Variants in ELL2 observed in about 807,000 individuals in gnomAD.
ELL2 encodes the protein elongation factor for RNA polymerase II 2.
Under a neutral mutation model 72.8 loss-of-function variants are expected in ELL2, and 21 were observed. The observed-to-expected ratio is 0.29, with a 90% CI of 0.20 to 0.42. The LOEUF is 0.42. ELL2 is among the 10% of genes least tolerant of loss of function. The pLI, the probability that ELL2 is intolerant of heterozygous loss-of-function variation, is 1.00. For missense variants in ELL2, 568 were observed against 772.8 expected (o/e 0.73, Z 3.14); for synonymous variants, 266 against 283.2 (o/e 0.94, Z 0.61).
At chr5:95,940,839 G>A (rs1239837008) in intron 2 of ELL2, among the ~76,000 whole-genome samples, 2 of 152,084 alleles carry the variant, frequency 1.3e-5, no homozygotes, top group African/African-American at 4.8e-5. Flanking sequence ...AAACAGAGGA[G>A]CAGTGTACAG....
intron 1 of ELL2, among the ~76,000 whole-genome samples, chr5:95,948,594 A>T (rs1751265236): frequency 1.3e-5 from 2 of 152,078 alleles, no homozygotes; most frequent in African/African-American, 2.4e-5. Flanking sequence ...TTTTATCCAA[A>T]TTTTTTTAGC....
intron 5 of ELL2, among the ~76,000 whole-genome samples, chr5:95,903,570 T>C (rs1749230000): frequency 6.6e-6 from 1 of 152,132 alleles, no homozygotes; most frequent in Non-Finnish European, 1.5e-5. Flanking sequence ...CAATCCTCTA[T>C]ATGTTGAAAT....
chr5:95,947,589 G>A (rs1004618583), intron 1 of ELL2, among the ~76,000 whole-genome samples: 14 of 152,184 alleles, frequency 9.2e-5, no homozygotes, highest in South Asian at 4.1e-4. Flanking sequence ...AATAAATAAT[G>A]AGTCTCTAAG....
In ELL2 at chr5:95,886,710, T is replaced by C. The variant is rs573506851; in HGVS notation, c.*2161A>G. 3 of 151,136 alleles carry C rather than the reference T, an allele frequency of 2.0e-5. No individual in the cohort carries two copies. The highest frequency in any genetic ancestry group is 3.9e-4 in the East Asian group (2 of 5,186). 9.4% of individuals were successfully genotyped at this position (151,136 alleles called of 1,614,324 possible). On this transcript the variant is annotated 3_prime_UTR_variant, in exon 12 of 12. Coordinates refer to ENST00000237853, the MANE Select transcript of ELL2 (RefSeq NM_012081.6). ...ACCTTCAGTTCAAGATTTCAAGATT[T>C]ACAGACCTAAAAGTTTAGAACTACA...
At position 95,895,669 on chromosome 5, in the gene ELL2, G is replaced by A. The variant is rs770432142; in HGVS notation, c.1548C>T (p.Ala516=). 6.2e-7 allele frequency: 1 copy of A among 1,614,068 alleles called. No individual in the cohort carries two copies. Among genetic ancestry groups the A allele is most frequent in the South Asian group, 1.1e-5 (1 of 91,080 alleles). ...SSGGVKEDCT[A]SMEPSAIELP... ...GTTCAATTGCTGAAGGTTCCATGGA[G>A]GCAGTGCAATCCTCTTTAACTCCTA... Residue 516 remains alanine (A), a synonymous_variant, in exon 9 of 12, where the codon GCC becomes GCT. Coordinates refer to ENST00000237853, the MANE Select transcript of ELL2 (RefSeq NM_012081.6).
At chr5:95,908,870 C>A (rs772141665) in intron 4 of ELL2, among the ~76,000 whole-genome samples, 3 of 152,156 alleles carry the variant, frequency 2.0e-5, no homozygotes, top group Non-Finnish European at 2.9e-5. Context: ...AACAGTGAAG[C>A]CCTTCTTTCT....
intron 9 of ELL2, among the ~76,000 whole-genome samples, chr5:95,894,644 G>T (rs905486535): frequency 6.6e-6 from 1 of 152,268 alleles, no homozygotes; most frequent in East Asian, 1.9e-4. Flanking sequence ...ACTCAGCAAG[G>T]TTTCTCAAGT....
chr5:95,937,584 C>T (rs1750824568), intron 2 of ELL2, among the ~76,000 whole-genome samples: 2 of 151,382 alleles, frequency 1.3e-5, no homozygotes, highest in African/African-American at 4.9e-5. Context: ...AGGTAATTTA[C>T]TATTTTATTA....
chr5:95,898,674 G>C lies in ELL2; in HGVS notation c.1091C>G (p.Pro364Arg), dbSNP rs918359707. Residue 364 changes from proline (P) to arginine (R), a missense_variant, in exon 8 of 12, where the codon CCG becomes CGG. Pro to Arg is a moderately radical substitution (Grantham distance 103). Transcript: ENST00000237853. The stretch of plus-strand genomic sequence containing the variant: ...GATGGCAGCAGCCGCAGGGGGCAGC[G>C]GGAGGCCTGCAGCAGATTTTTCACT... ...PTSEKSAAGL[P>R]LPPAAAAIPT... 6.2e-7 allele frequency: 1 copy of C among 1,612,892 alleles called. No homozygotes were observed. The highest frequency in any genetic ancestry group is 1.7e-5 in the Admixed American group (1 of 59,920).
intron 5 of ELL2, among the ~76,000 whole-genome samples, chr5:95,906,093 T>A (rs963902216): frequency 6.6e-6 from 1 of 152,186 alleles, no homozygotes; most frequent in African/African-American, 2.4e-5. Flanking sequence ...GCACAAAGTA[T>A]GTGGGGCAAG....
intron 4 of ELL2, among the ~76,000 whole-genome samples, chr5:95,907,296 A>ATATATATATATATATATATATTTTTTTT: frequency 1.7e-5 from 2 of 116,484 alleles, no homozygotes; most frequent in African/African-American, 8.2e-5. Flanking sequence ...ATATATATAT[A>ATATATATATATATATATATATTTTTTTT]TTTTTTTTTT....
At chr5:95,947,343 A>C (rs1007899542) in intron 1 of ELL2, among the ~76,000 whole-genome samples, 4 of 152,216 alleles carry the variant, frequency 2.6e-5, no homozygotes, top group Non-Finnish European at 5.9e-5. Flanking sequence ...ACAATTTAGA[A>C]ACTTGAAATT....
intron 2 of ELL2, among the ~76,000 whole-genome samples, chr5:95,938,732 T>C (rs911179747): frequency 6.6e-6 from 1 of 152,152 alleles, no homozygotes; most frequent in African/African-American, 2.4e-5. Flanking sequence ...ATAATTATTA[T>C]TTTATTATTT....
chr5:95,926,694 T>C (rs773712616), intron 2 of ELL2, among the ~76,000 whole-genome samples: 9 of 152,200 alleles, frequency 5.9e-5, no homozygotes, highest in Non-Finnish European at 1.3e-4. Flanking sequence ...AGATTTCCTA[T>C]TTCTCTTATT....
At chr5:95,900,665 G>A in intron 7 of ELL2, 28 bp downstream of exon 7, 2 of 1,497,510 alleles carry the variant, frequency 1.3e-6, no homozygotes, top group Non-Finnish European at 1.8e-6. Flanking sequence ...ATCTATGTCA[G>A]GTCTATAATT....
At position 95,961,580 on chromosome 5, in the gene ELL2, G is replaced by A. The variant is rs746737387; in HGVS notation, c.142C>T (p.His48Tyr). 4.4e-6 allele frequency: 7 copies of A among 1,594,084 alleles called. No individual in the cohort carries two copies. Among genetic ancestry groups the A allele is most frequent in the Middle Eastern group, 1.7e-4 (1 of 5,922 alleles). The change falls in exon 1 of 12, where the codon CAC (histidine) becomes TAC (tyrosine). Residue 48 changes from histidine (H) to tyrosine (Y), a missense_variant. Transcript: ENST00000237853. ...CTGCCGGCCGGCCCGCTCACCTTGT[G>A]GCTCTGGTAAGTCTCGAGCGCCCGG... Reference protein sequence around the residue: ...AIRALETYQSHKNLIPFRPSI... With the variant: ...AIRALETYQSYKNLIPFRPSI...
chr5:95,943,796 G>A (rs756209893), intron 1 of ELL2, among the ~76,000 whole-genome samples: 6 of 152,004 alleles, frequency 3.9e-5, no homozygotes, highest in Non-Finnish European at 7.4e-5. Flanking sequence ...TTTTCTTCTT[G>A]ATAACTTCAA....
At chr5:95,945,746 G>A (rs1751133096) in intron 1 of ELL2, among the ~76,000 whole-genome samples, 1 of 152,176 alleles carries the variant, frequency 6.6e-6, no homozygotes, top group African/African-American at 2.4e-5. Flanking sequence ...GAGGAAAAAA[G>A]CAAGAAGACA....
At chr5:95,899,373 C>T (rs1351179909) in intron 7 of ELL2, among the ~76,000 whole-genome samples, 1 of 152,102 alleles carries the variant, frequency 6.6e-6, no homozygotes, top group African/African-American at 2.4e-5. Flanking sequence ...TTTATCATTC[C>T]ACCTGTCTTA....
Sources: gnomAD v4.1 joint callset for allele counts (sites outside exome capture counted in the v4.1 genomes callset) on GRCh38, gnomAD v4.1.1 for gene constraint, MANE v1.5 for transcripts, NCBI Gene and HGNC (gene_info 2026-07-23, HGNC 2026-07-21) for gene names.